FAM162A: variants seen among roughly 807,000 people sequenced by gnomAD.
FAM162A encodes protein FAM162A.
In FAM162A, 23 loss-of-function variants were observed where a neutral mutation model predicts 21.8. The observed-to-expected ratio is 1.05, with a 90% CI of 0.76 to 1.49. The LOEUF (loss-of-function observed/expected upper bound fraction) is 1.49. FAM162A is among the 40% of genes most tolerant of loss of function. The probability of loss-of-function intolerance (pLI) is 0.00; values close to 1 mark genes in which losing one functional copy is unlikely to be tolerated. For missense variants in FAM162A, 165 were observed against 186.4 expected (o/e 0.89, Z 0.67); for synonymous variants, 53 against 61.3 (o/e 0.86, Z 0.64).
At chr3:122,405,387 T>C (rs1195059883) in intron 3 of FAM162A, among the ~76,000 whole-genome samples, 3 of 152,250 alleles carry the variant, frequency 2.0e-5, no homozygotes, top group African/African-American at 7.2e-5. Context: ...GCTTTTCTGC[T>C]TCTGCCAGTC....
intron 1 of FAM162A, among the ~76,000 whole-genome samples, chr3:122,399,229 C>T (rs73188388): frequency 0.17 from 26,081 of 152,168 alleles, 2,414 homozygotes; most frequent in Middle Eastern, 0.28. Flanking sequence ...TAATGAATGA[C>T]CTCCAGCTCC....
At chr3:122,409,202 C>G (rs899648505) in intron 4 of FAM162A, among the ~76,000 whole-genome samples, 4 of 152,126 alleles carry the variant, frequency 2.6e-5, no homozygotes, top group African/African-American at 9.7e-5. Context: ...GTTGCCTCCC[C>G]CACTCAAAGG....
At chr3:122,394,084 C>T (rs1311803436) in intron 1 of FAM162A, among the ~76,000 whole-genome samples, 2 of 152,152 alleles carry the variant, frequency 1.3e-5, no homozygotes, top group African/African-American at 4.8e-5. Context: ...GCTGGCATGT[C>T]ACATGTCCAG....
intron 1 of FAM162A, among the ~76,000 whole-genome samples, chr3:122,388,448 GAGATAA>G (rs2075584376): frequency 6.6e-6 from 1 of 152,194 alleles, no homozygotes; most frequent in African/African-American, 2.4e-5. Flanking sequence ...TAAAGTTATG[GAGATAA>G]AGATATGGGA....
intron 1 of FAM162A, among the ~76,000 whole-genome samples, chr3:122,399,414 C>G (rs2075643358): frequency 6.6e-6 from 1 of 152,092 alleles, no homozygotes. Context: ...ACCTTCGGCT[C>G]CGGGGTTCAA....
At chr3:122,402,643 A>T (rs2075657951) in intron 1 of FAM162A, 117 bp from the exon 2 acceptor site, 8 of 924,370 alleles carry the variant, frequency 8.7e-6, no homozygotes, top group Non-Finnish European at 1.2e-5. Flanking sequence ...TAGTAAATTC[A>T]TTTCCTAAAT....
chr3:122,406,997 A>ATTTT lies in FAM162A; in HGVS notation c.264-275_264-272dup, dbSNP rs11459889. Among the ~76,000 whole-genome samples the ATTTT allele has an allele frequency of 1.8e-3, 258 of 146,162 alleles. 1 individual carries two copies. The highest frequency in any genetic ancestry group is 0.017 in the Admixed American group (246 of 14,636). On this transcript the variant is annotated intron_variant, in intron 3 of 4. Transcript: ENST00000477892. The stretch of plus-strand genomic sequence containing the variant: ...AAGTGTAGATTAATATGCCTTGCCC[A>ATTTT]TTTTTTTTTTTTGGCTTTGTTCTTG...
chr3:122,402,699 T>C (rs2075658155), intron 1 of FAM162A, 61 bp from the exon 2 acceptor site: 2 of 1,447,306 alleles, frequency 1.4e-6, no homozygotes, highest in Non-Finnish European at 1.8e-6. Flanking sequence ...TATTTCTTAT[T>C]TTGAGAAAAC....
chr3:122,408,413 T>C (rs1461062728), intron 4 of FAM162A, among the ~76,000 whole-genome samples: 2 of 152,258 alleles, frequency 1.3e-5, no homozygotes, highest in Non-Finnish European at 2.9e-5. Flanking sequence ...ACAACTACTT[T>C]AAGATACTAA....
chr3:122,395,880 A>G (rs1560000153), intron 1 of FAM162A, among the ~76,000 whole-genome samples: 1 of 152,228 alleles, frequency 6.6e-6, no homozygotes, highest in Non-Finnish European at 1.5e-5. Flanking sequence ...GATAGTCCAG[A>G]AATATACTCT....
At chr3:122,407,207 C>T in intron 3 of FAM162A, 74 bp from the exon 4 acceptor site, 1 of 1,207,090 alleles carries the variant, frequency 8.3e-7, no homozygotes, top group East Asian at 2.4e-5. Context: ...AATTTATACA[C>T]AGCCTTTTAT....
intron 1 of FAM162A, among the ~76,000 whole-genome samples, chr3:122,397,105 T>C (rs1160219945): frequency 6.6e-6 from 1 of 152,226 alleles, no homozygotes; most frequent in Non-Finnish European, 1.5e-5. Context: ...TAGGGAATTA[T>C]GTATCAATAA....
At position 122,411,565 on chromosome 3, in the gene FAM162A, T is replaced by C. The variant is rs1422198579; in HGVS notation, c.*1734T>C. On this transcript the variant is annotated 3_prime_UTR_variant, in exon 5 of 5. Transcript: ENST00000477892. Reference sequence around the variant, plus strand: ...GAGCTTAAATTTAATGAAACCTTTTTTTTTTTTTTGAGACAGTCTTGCACT... The same window carrying C: ...GAGCTTAAATTTAATGAAACCTTTTCTTTTTTTTTGAGACAGTCTTGCACT... 1 of 151,964 alleles carries C rather than the reference T, an allele frequency of 6.6e-6. No homozygotes were observed. The highest frequency in any genetic ancestry group is 1.5e-5 in the Non-Finnish European group (1 of 67,968). The allele number at this position is 151,964 out of a possible 1,614,324, so 9.4% of individuals were successfully genotyped here. A position where few individuals can be genotyped will look rare whatever the true frequency, so the allele number is the denominator to read the frequency against.
At chr3:122,405,184 G>C (rs1560002324) in intron 3 of FAM162A, among the ~76,000 whole-genome samples, 1 of 152,192 alleles carries the variant, frequency 6.6e-6, no homozygotes, top group Non-Finnish European at 1.5e-5. Context: ...CATCTCCTCT[G>C]TGAGGCATCA....
intron 3 of FAM162A, among the ~76,000 whole-genome samples, chr3:122,406,727 CAGAG>C (rs1245377780): frequency 5.9e-5 from 9 of 152,212 alleles, no homozygotes; most frequent in Non-Finnish European, 8.8e-5. Flanking sequence ...GGGTTCAAGA[CAGAG>C]AGCAAAAAGC....
At chr3:122,399,976 C>T (rs1489821941) in intron 1 of FAM162A, among the ~76,000 whole-genome samples, 21 of 151,992 alleles carry the variant, frequency 1.4e-4, no homozygotes, top group Admixed American at 1.4e-3. Flanking sequence ...TGGTGGCAGA[C>T]GCCTGTAATC....
At chr3:122,407,575 A>ATCC (rs2075682802) in intron 4 of FAM162A, 186 bp downstream of exon 4, 1 of 506,398 alleles carries the variant, frequency 2.0e-6, no homozygotes, top group Non-Finnish European at 3.5e-6. Context: ...TTGGGGATAG[A>ATCC]TAGCAAATCC....
chr3:122,384,334 G>C, intron 1 of FAM162A, 35 bp downstream of exon 1: 1 of 1,563,144 alleles, frequency 6.4e-7, no homozygotes, highest in Non-Finnish European at 8.7e-7. Context: ...AGGTAGGGGA[G>C]CTGGCCCGGC....
At chr3:122,389,694 G>GATAC (rs1317416456) in intron 1 of FAM162A, among the ~76,000 whole-genome samples, 2 of 152,130 alleles carry the variant, frequency 1.3e-5, no homozygotes, top group Non-Finnish European at 2.9e-5. Context: ...GACATAGCAA[G>GATAC]ATACAGTATT....
Sources: gnomAD v4.1 joint callset for allele counts (sites outside exome capture counted in the v4.1 genomes callset) on GRCh38, gnomAD v4.1.1 for gene constraint, MANE v1.5 for transcripts, NCBI Gene and HGNC (gene_info 2026-07-23, HGNC 2026-07-21) for gene names.